Variants in PTPRO observed in about 807,000 individuals in gnomAD.
PTPRO encodes protein tyrosine phosphatase receptor type O.
Under a neutral mutation model 145.2 loss-of-function variants are expected in PTPRO, and 62 were observed. That is an observed-to-expected ratio of 0.43 (90% confidence interval 0.35 to 0.53). The LOEUF (loss-of-function observed/expected upper bound fraction) is 0.53. Among genes scored for constraint, PTPRO ranks in the 20% least tolerant of loss-of-function variants. PTPRO has a pLI of 0.01. For missense variants in PTPRO, 1,345 were observed against 1,482.7 expected (o/e 0.91, Z 1.53); for synonymous variants, 565 against 514.7 (o/e 1.10, Z -1.32).
At chr12:15,346,177 C>T (rs76197678) in intron 1 of PTPRO, among the ~76,000 whole-genome samples, 1,958 of 152,158 alleles carry the variant, frequency 0.013, 43 homozygotes, top group African/African-American at 0.045. Context: ...ATATCTTCAC[C>T]CTCATGTTTT....
chr12:15,359,085 A>G (rs974879763), intron 1 of PTPRO, among the ~76,000 whole-genome samples: 2 of 152,216 alleles, frequency 1.3e-5, no homozygotes, highest in Non-Finnish European at 1.5e-5. Flanking sequence ...GAACTGGGCT[A>G]TGCTGAAAAG....
intron 1 of PTPRO, among the ~76,000 whole-genome samples, chr12:15,403,498 G>A (rs1249071324): frequency 6.6e-6 from 1 of 152,110 alleles, no homozygotes; most frequent in Non-Finnish European, 1.5e-5. Context: ...CAGGAGAATG[G>A]CGTGAACCCG....
rs563611520 is a variant in PTPRO, at chr12:15,503,982, T to C, written c.1180T>C (p.Tyr394His). Reference protein sequence around the residue: ...FVAELKEPGKYKLSVTTFSSS... With the variant: ...FVAELKEPGKHKLSVTTFSSS... ...TGCAGAACTGAAGGAACCTGGGAAA[T>C]ATAAGTTATCTGTGACAACCTTTAG... is the stretch of plus-strand genomic sequence containing the variant. The change falls in exon 6 of 27, where the codon TAT (tyrosine) becomes CAT (histidine). Residue 394 changes from tyrosine (Y) to histidine (H), a missense_variant. Transcript: ENST00000281171. The C allele has an allele frequency of 6.2e-7, 1 of 1,607,006 alleles. No individual in the cohort carries two copies. Among genetic ancestry groups the C allele is most frequent in the Admixed American group, 1.7e-5 (1 of 60,008 alleles).
At chr12:15,454,096 A>G (rs1222109533) in intron 1 of PTPRO, among the ~76,000 whole-genome samples, 1 of 152,168 alleles carries the variant, frequency 6.6e-6, no homozygotes, top group Non-Finnish European at 1.5e-5. Context: ...AAATACCTAG[A>G]AATAAGATTG....
chr12:15,492,129 G>A (rs1033871444), intron 2 of PTPRO, among the ~76,000 whole-genome samples: 1 of 152,114 alleles, frequency 6.6e-6, no homozygotes, highest in Non-Finnish European at 1.5e-5. Flanking sequence ...TCTTGCTGTA[G>A]ACTGGGTGCT....
At chr12:15,556,841 C>T (rs1943640375) in intron 15 of PTPRO, among the ~76,000 whole-genome samples, 1 of 152,044 alleles carries the variant, frequency 6.6e-6, no homozygotes, top group South Asian at 2.1e-4. Flanking sequence ...AAATATTATA[C>T]CCCAAATAGT....
chr12:15,455,075 A>T (rs1237221570), intron 1 of PTPRO, among the ~76,000 whole-genome samples: 1 of 152,154 alleles, frequency 6.6e-6, no homozygotes, highest in East Asian at 1.9e-4. Flanking sequence ...TTCCATATTA[A>T]TTTTAGAATT....
chr12:15,564,810 T>C (rs1943857289), intron 17 of PTPRO, among the ~76,000 whole-genome samples: 2 of 152,218 alleles, frequency 1.3e-5, no homozygotes, highest in African/African-American at 4.8e-5. Flanking sequence ...CATGTTTCTG[T>C]ATTTACTATT....
chr12:15,379,252 G>T (rs970494469), intron 1 of PTPRO, among the ~76,000 whole-genome samples: 3 of 151,762 alleles, frequency 2.0e-5, no homozygotes, highest in African/African-American at 7.3e-5. Context: ...AGGTGCGCTG[G>T]CTCATGCCTG....
intron 22 of PTPRO, among the ~76,000 whole-genome samples, chr12:15,581,066 A>G (rs1312804071): frequency 6.6e-6 from 1 of 152,180 alleles, no homozygotes; most frequent in Non-Finnish European, 1.5e-5. Flanking sequence ...AAAAGGAGAA[A>G]TATTGCATAT....
intron 1 of PTPRO, among the ~76,000 whole-genome samples, chr12:15,437,195 G>A (rs1394653056): frequency 6.6e-6 from 1 of 151,880 alleles, no homozygotes; most frequent in Admixed American, 6.6e-5. Flanking sequence ...AGCAGCCTGA[G>A]CCACCTACCC....
intron 1 of PTPRO, among the ~76,000 whole-genome samples, chr12:15,383,781 G>A (rs1157625463): frequency 6.6e-6 from 1 of 152,088 alleles, no homozygotes; most frequent in Non-Finnish European, 1.5e-5. Flanking sequence ...AAGGTTTGCT[G>A]GTAAATATCT....
chr12:15,337,958 G>C (rs534264688), intron 1 of PTPRO, among the ~76,000 whole-genome samples: 20 of 152,294 alleles, frequency 1.3e-4, no homozygotes, highest in Non-Finnish European at 2.5e-4. Context: ...TTGAAATAAT[G>C]AAACAGTTAT....
chr12:15,338,676 T>C (rs538483944), intron 1 of PTPRO, among the ~76,000 whole-genome samples: 1 of 152,100 alleles, frequency 6.6e-6, no homozygotes, highest in African/African-American at 2.4e-5. Flanking sequence ...AAAATATTAA[T>C]TGATAAAGTA....
At chr12:15,525,066 A>G in intron 11 of PTPRO, 101 bp downstream of exon 11, 1 of 1,386,090 alleles carries the variant, frequency 7.2e-7, no homozygotes, top group Non-Finnish European at 1.0e-6. Context: ...AAATGTTTGC[A>G]TACCAGTTGT....
intron 1 of PTPRO, among the ~76,000 whole-genome samples, chr12:15,349,808 G>A (rs1937736389): frequency 6.6e-6 from 1 of 152,168 alleles, no homozygotes; most frequent in African/African-American, 2.4e-5. Context: ...GATTTAATAG[G>A]TAAAATTAAC....
chr12:15,586,943 C>G lies in PTPRO; in HGVS notation c.3302C>G (p.Pro1101Arg), dbSNP rs1278291474. The G allele has an allele frequency of 6.2e-7, 1 of 1,613,988 alleles. No individual in the cohort carries two copies. The highest frequency in any genetic ancestry group is 8.5e-7 in the Non-Finnish European group (1 of 1,180,008). The change falls in exon 24 of 27, where the codon CCT becomes CGT. Residue 1101 changes from proline to arginine, a missense_variant. By Grantham distance (103) the Pro-to-Arg change is moderately radical (BLOSUM62 -2). This residue lies in a region of PTPRO where 208 missense variants were observed against 242.8 expected (regional missense o/e 0.86). Transcript: ENST00000281171. ...DVMHFNYTAW[P>R]DHGVPTANAA... is the part of the protein sequence containing the mutation. ...ATGCATTTTAACTACACTGCATGGC[C>G]TGATCATGGTGTGCCCACAGCAAAT...
chr12:15,451,346 C>A lies in PTPRO; in HGVS notation c.76-32628C>A, dbSNP rs368375562. Among the ~76,000 whole-genome samples the A allele has an allele frequency of 4.3e-4, 65 of 152,016 alleles. 1 individual carries two copies. In the South Asian group the frequency reaches 0.012, roughly 28 times the overall value. On this transcript the variant is annotated intron_variant, in intron 1 of 26. Transcript: ENST00000281171. ...CACTGGAGCTCCCAAATTTATAAAA[C>A]AATTGCTACTAGACCTAAGAAATGA...
intron 2 of PTPRO, among the ~76,000 whole-genome samples, chr12:15,486,537 A>G (rs79509198): frequency 0.017 from 2,532 of 152,186 alleles, 92 homozygotes; most frequent in African/African-American, 0.058. Context: ...ACTATCCAAT[A>G]AAAAGAGAAT....
Sources: gnomAD v4.1 joint callset for allele counts (sites outside exome capture counted in the v4.1 genomes callset) on GRCh38, gnomAD v4.1.1 for gene constraint, gnomAD v4.1.1 regional missense constraint, MANE v1.5 for transcripts, NCBI Gene and HGNC (gene_info 2026-07-23, HGNC 2026-07-21) for gene names.